KCNQ3: variants seen among roughly 807,000 people sequenced by gnomAD.
KCNQ3 encodes potassium voltage-gated channel subfamily KQT member 3.
KCNQ3 carries 30 observed loss-of-function variants against 92.5 expected under a neutral mutation model. That is an observed-to-expected ratio of 0.32 (90% confidence interval 0.24 to 0.44). The LOEUF is 0.44. Ranked by LOEUF, KCNQ3 falls within the 20% of genes least tolerant of loss-of-function variation. KCNQ3 has a pLI of 1.00. For missense variants in KCNQ3, 913 were observed against 1,140.3 expected (o/e 0.80, Z 2.87); for synonymous variants, 450 against 468.8 (o/e 0.96, Z 0.52).
chr8:132,258,025 C>T (rs1815652024), intron 1 of KCNQ3, among the ~76,000 whole-genome samples: 1 of 151,940 alleles, frequency 6.6e-6, no homozygotes, highest in Admixed American at 6.6e-5. Context: ...TAAAAAGAAT[C>T]AAATTCAAGG....
At chr8:132,240,512 C>T (rs1814961787) in intron 1 of KCNQ3, among the ~76,000 whole-genome samples, 1 of 152,132 alleles carries the variant, frequency 6.6e-6, no homozygotes, top group African/African-American at 2.4e-5. Context: ...ATTCCAGCTA[C>T]CTCTATCCTC....
intron 1 of KCNQ3, among the ~76,000 whole-genome samples, chr8:132,402,383 C>T (rs2721900): frequency 0.56 from 85,071 of 151,560 alleles, 25,456 homozygotes; most frequent in South Asian, 0.73. Flanking sequence ...GTTCTCTTTC[C>T]TATACAAGGC....
At chr8:132,195,352 G>A (rs1334884864) in intron 1 of KCNQ3, among the ~76,000 whole-genome samples, 4 of 152,152 alleles carry the variant, frequency 2.6e-5, no homozygotes, top group Non-Finnish European at 1.5e-5. Flanking sequence ...AGCACGGGAG[G>A]CAAATAAACA....
At chr8:132,180,414 C>T in intron 3 of KCNQ3, 85 bp from the exon 4 acceptor site, 4 of 1,464,680 alleles carry the variant, frequency 2.7e-6, no homozygotes, top group Non-Finnish European at 3.8e-6. Flanking sequence ...GTGCTGTTTG[C>T]TGGCAGATCA....
At chr8:132,376,192 T>A (rs564812334) in intron 1 of KCNQ3, among the ~76,000 whole-genome samples, 2 of 152,320 alleles carry the variant, frequency 1.3e-5, no homozygotes, top group Non-Finnish European at 2.9e-5. Context: ...CATGCTTTTT[T>A]CTCCCCACAT....
rs144960899 is a variant in KCNQ3 at position 132,407,585 on chromosome 8, G to A, written c.386+72562C>T. On this transcript the variant is annotated intron_variant, in intron 1 of 14. Coordinates refer to ENST00000388996, the MANE Select transcript of KCNQ3 (RefSeq NM_004519.4). Reference sequence around the variant, plus strand: ...TCCCCATTTTCTGTCCTCCCTGACCGTCTTTGGTGCTGTTCCTTCTCCCTG... The same window carrying A: ...TCCCCATTTTCTGTCCTCCCTGACCATCTTTGGTGCTGTTCCTTCTCCCTG... Among the ~76,000 whole-genome samples the A allele has an allele frequency of 5.6e-4, 85 of 152,264 alleles. 1 individual carries two copies. Among genetic ancestry groups the A allele is most frequent in the African/African-American group, 1.4e-3 (58 of 41,558 alleles).
chr8:132,239,365 G>A (rs538931345), intron 1 of KCNQ3, among the ~76,000 whole-genome samples: 50 of 152,352 alleles, frequency 3.3e-4, no homozygotes, highest in African/African-American at 1.1e-3. Context: ...CTGAGTGAGA[G>A]ATTGAGGAAA....
intron 3 of KCNQ3, among the ~76,000 whole-genome samples, chr8:132,183,384 A>G (rs1826856497): frequency 6.6e-6 from 1 of 152,134 alleles, no homozygotes; most frequent in Non-Finnish European, 1.5e-5. Context: ...GGGGCATGCA[A>G]GCAGAGCCAG....
chr8:132,476,131 G>A (rs2403788), intron 1 of KCNQ3, among the ~76,000 whole-genome samples: 152,351 of 152,352 alleles, frequency 1, 76,175 homozygotes, highest in Non-Finnish European at 1. Flanking sequence ...ACAAGAGTTA[G>A]GCTTTGGGAA....
intron 4 of KCNQ3, among the ~76,000 whole-genome samples, chr8:132,179,623 C>G (rs1826684381): frequency 6.6e-6 from 1 of 152,170 alleles, no homozygotes; most frequent in East Asian, 1.9e-4. Flanking sequence ...AAGTGCTCTT[C>G]ACATATCAAT....
chr8:132,145,122 T>A (rs1400284191), intron 9 of KCNQ3, among the ~76,000 whole-genome samples: 1 of 152,150 alleles, frequency 6.6e-6, no homozygotes, highest in East Asian at 1.9e-4. Context: ...CTGTTAAACA[T>A]CCTGCAATGC....
chr8:132,479,860 G>A (rs1413159605), intron 1 of KCNQ3, among the ~76,000 whole-genome samples: 2 of 151,778 alleles, frequency 1.3e-5, no homozygotes, highest in South Asian at 2.1e-4. Context: ...TCATAAATGT[G>A]CACCCGCGCG....
chr8:132,137,559 A>G (rs1038718868), intron 12 of KCNQ3, among the ~76,000 whole-genome samples: 1 of 152,224 alleles, frequency 6.6e-6, no homozygotes, highest in African/African-American at 2.4e-5. Context: ...TTAATTAGGC[A>G]GCTGGATTCG....
chr8:132,251,730 T>C (rs1352325798), intron 1 of KCNQ3, among the ~76,000 whole-genome samples: 1 of 152,206 alleles, frequency 6.6e-6, no homozygotes, highest in African/African-American at 2.4e-5. Context: ...AAGTTCTTTC[T>C]GGAAGAAGGC....
chr8:132,281,147 A>G (rs1347887421), intron 1 of KCNQ3, among the ~76,000 whole-genome samples: 4 of 152,188 alleles, frequency 2.6e-5, no homozygotes, highest in Admixed American at 2.6e-4. Context: ...ATAAGATATC[A>G]TTAACTCTCC....
At chr8:132,469,730 T>C (rs532138338) in intron 1 of KCNQ3, among the ~76,000 whole-genome samples, 7 of 152,130 alleles carry the variant, frequency 4.6e-5, no homozygotes, top group South Asian at 2.1e-4. Context: ...GGAAAAACCA[T>C]AGGATCACAA....
chr8:132,283,381 A>T (rs1245817969), intron 1 of KCNQ3, among the ~76,000 whole-genome samples: 7 of 152,346 alleles, frequency 4.6e-5, no homozygotes, highest in Middle Eastern at 3.4e-3. Context: ...TATTATTACA[A>T]ATTCTCTCCT....
chr8:132,349,074 G>A (rs771094567), intron 1 of KCNQ3, among the ~76,000 whole-genome samples: 1 of 152,192 alleles, frequency 6.6e-6, no homozygotes, highest in Non-Finnish European at 1.5e-5. Context: ...GCAAGAGGCT[G>A]AGCTAGATGG....
chr8:132,479,684 CT>C (rs1822498249), intron 1 of KCNQ3, among the ~76,000 whole-genome samples: 2 of 149,374 alleles, frequency 1.3e-5, no homozygotes, highest in African/African-American at 5.0e-5. Context: ...GTGCGCACCC[CT>C]CCCATCCCCA....
Sources: allele counts gnomAD v4.1 joint callset (sites outside exome capture counted in the v4.1 genomes callset), GRCh38; gene constraint gnomAD v4.1.1; transcripts MANE v1.5; gene names NCBI Gene and HGNC (gene_info 2026-07-23, HGNC 2026-07-21).